The following DOCK4 variants were observed in gnomAD, a reference collection of about 807,000 sequenced individuals.
DOCK4 encodes the protein dedicator of cytokinesis protein 4.
DOCK4 carries 97 observed loss-of-function variants against 268.1 expected under a neutral mutation model. The ratio of observed to expected loss-of-function variants is 0.36; its 90% confidence interval spans 0.31 to 0.43. DOCK4 has a LOEUF of 0.43. Ranked by LOEUF, DOCK4 falls within the 20% of genes least tolerant of loss-of-function variation. DOCK4 has a pLI of 1.00. For synonymous variants in DOCK4, 954 were observed against 887.2 expected (o/e 1.08, Z -1.34); for missense variants, 2,145 against 2,455.7 (o/e 0.87, Z 2.67).
chr7:111,762,762 C>CT (rs869052136), intron 39 of DOCK4, among the ~76,000 whole-genome samples: 867 of 62,996 alleles, frequency 0.014, 81 homozygotes, highest in South Asian at 0.044. Flanking sequence ...GTTTTGTTTT[C>CT]TTTTTTTTTT....
chr7:111,879,915 G>A (rs953001892), intron 16 of DOCK4, among the ~76,000 whole-genome samples: 13 of 151,986 alleles, frequency 8.6e-5, no homozygotes, highest in Non-Finnish European at 7.4e-5. Context: ...AAACAATGAC[G>A]CACTTCTACA....
chr7:111,801,422 C>T (rs1043944746), intron 30 of DOCK4, among the ~76,000 whole-genome samples: 3 of 152,320 alleles, frequency 2.0e-5, no homozygotes, highest in South Asian at 4.1e-4. Flanking sequence ...AACCACACCA[C>T]ATGTGTGCGT....
At chr7:111,981,834 T>C (rs1043967325) in intron 7 of DOCK4, among the ~76,000 whole-genome samples, 1 of 152,156 alleles carries the variant, frequency 6.6e-6, no homozygotes, top group Non-Finnish European at 1.5e-5. Context: ...CCCTGGAATC[T>C]TAGCAACACT....
chr7:111,914,475 TC>T (rs925753353), intron 13 of DOCK4, among the ~76,000 whole-genome samples: 12 of 152,250 alleles, frequency 7.9e-5, no homozygotes, highest in African/African-American at 2.2e-4. Flanking sequence ...CCACATGACT[TC>T]CCTCTTCGAA....
intron 8 of DOCK4, among the ~76,000 whole-genome samples, chr7:111,975,401 G>T (rs1798088953): frequency 6.6e-6 from 1 of 152,154 alleles, no homozygotes; most frequent in Admixed American, 6.5e-5. Flanking sequence ...ATGTTATAAA[G>T]ATTTTGTAAT....
intron 1 of DOCK4, among the ~76,000 whole-genome samples, chr7:112,066,965 C>CA (rs1243930579): frequency 6.7e-6 from 1 of 148,846 alleles, no homozygotes; most frequent in African/African-American, 2.5e-5. Flanking sequence ...GGCAATATGG[C>CA]AAAACCCCGT....
chr7:111,819,462 GA>G (rs1398591771), intron 27 of DOCK4: 1 of 152,148 alleles, frequency 6.6e-6, no homozygotes, highest in Non-Finnish European at 1.5e-5. Context: ...AGAAAGAGAA[GA>G]AATGCTTCTT....
intron 1 of DOCK4, among the ~76,000 whole-genome samples, chr7:112,146,160 T>C (rs1815471168): frequency 6.6e-6 from 1 of 152,182 alleles, no homozygotes; most frequent in Non-Finnish European, 1.5e-5. Flanking sequence ...ACAGAGGAAC[T>C]CACCTTTGAA....
intron 23 of DOCK4, among the ~76,000 whole-genome samples, chr7:111,847,583 T>C (rs1430405663): frequency 1.3e-5 from 2 of 152,166 alleles, no homozygotes; most frequent in Non-Finnish European, 2.9e-5. Context: ...TGGTGGGAGA[T>C]AATTGAATCA....
chr7:111,864,031 C>T (rs543045395), intron 22 of DOCK4, among the ~76,000 whole-genome samples: 3 of 152,256 alleles, frequency 2.0e-5, no homozygotes, highest in Non-Finnish European at 2.9e-5. Flanking sequence ...CAGGACAGGG[C>T]ATCAGAAGAT....
At chr7:112,018,810 A>G (rs1362565995) in intron 1 of DOCK4, among the ~76,000 whole-genome samples, 4 of 152,244 alleles carry the variant, frequency 2.6e-5, no homozygotes, top group Non-Finnish European at 1.5e-5. Context: ...AAATGAGATA[A>G]ATTTTCCAAA....
intron 42 of DOCK4, 88 bp from the exon 43 acceptor site, chr7:111,747,531 G>A: frequency 7.6e-7 from 1 of 1,319,228 alleles, no homozygotes; most frequent in Non-Finnish European, 1.0e-6. Flanking sequence ...TGAATTATCT[G>A]TGCTCCCCCT....
intron 14 of DOCK4, 68 bp downstream of exon 14, chr7:111,901,609 A>G (rs1256595760): frequency 2.1e-6 from 3 of 1,428,670 alleles, no homozygotes; most frequent in Non-Finnish European, 2.9e-6. Flanking sequence ...ATAACTGATC[A>G]CATTAAAGAT....
chr7:111,733,315 T>C (rs543446795), intron 51 of DOCK4, among the ~76,000 whole-genome samples: 66 of 152,136 alleles, frequency 4.3e-4, no homozygotes, highest in Non-Finnish European at 8.8e-4. Context: ...CCAGTTAACT[T>C]GGGAGGGGTA....
intron 13 of DOCK4, among the ~76,000 whole-genome samples, chr7:111,914,658 C>T (rs2134521029): frequency 6.6e-6 from 1 of 152,270 alleles, no homozygotes; most frequent in Non-Finnish European, 1.5e-5. Context: ...CTACTGCCTT[C>T]TCACCTAAAT....
chr7:111,955,864 C>G (rs1029958426), intron 8 of DOCK4, among the ~76,000 whole-genome samples: 14 of 152,116 alleles, frequency 9.2e-5, no homozygotes, highest in African/African-American at 2.9e-4. Flanking sequence ...AGACTTGAGA[C>G]CTTAGAAATC....
chr7:111,780,257 A>C (rs1054032203), intron 35 of DOCK4, among the ~76,000 whole-genome samples: 2 of 151,750 alleles, frequency 1.3e-5, no homozygotes, highest in African/African-American at 4.9e-5. Flanking sequence ...AATGCATCAT[A>C]AATTTTTTTT....
intron 36 of DOCK4, among the ~76,000 whole-genome samples, chr7:111,772,795 T>TCAAAAA (rs890514377): frequency 6.6e-6 from 1 of 152,074 alleles, no homozygotes; most frequent in African/African-American, 2.4e-5. Flanking sequence ...AAACTCCGTC[T>TCAAAAA]CAAAAACAAA....
chr7:111,959,984 C>T (rs1044106414), intron 8 of DOCK4, among the ~76,000 whole-genome samples: 3 of 152,126 alleles, frequency 2.0e-5, no homozygotes, highest in Non-Finnish European at 4.4e-5. Context: ...ATTCTATGAG[C>T]CCTCACTCAC....
Sources: allele counts gnomAD v4.1 joint callset (sites outside exome capture counted in the v4.1 genomes callset), GRCh38; gene constraint gnomAD v4.1.1; transcripts MANE v1.5; gene names NCBI Gene and HGNC (gene_info 2026-07-23, HGNC 2026-07-21).